The following TP63 variants were observed in gnomAD, a reference collection of about 807,000 sequenced individuals.
TP63 encodes the protein tumor protein p63.
Under a neutral mutation model 82.8 loss-of-function variants are expected in TP63, and 17 were observed. That is an observed-to-expected ratio of 0.21 (90% CI 0.14 to 0.31). The LOEUF (loss-of-function observed/expected upper bound fraction) is 0.31, where lower values mean the gene tolerates loss of function less well. TP63 is among the 10% of genes least tolerant of loss of function. TP63 has a pLI of 1.00. For missense variants in TP63, 648 were observed against 895.3 expected, an observed-to-expected ratio of 0.72 and a Z score of 3.52; for synonymous variants, 330 against 321.7, an observed-to-expected ratio of 1.03 and a Z score of -0.28.
intron 1 of TP63, among the ~76,000 whole-genome samples, chr3:189,692,615 A>G (rs1717027187): frequency 6.6e-6 from 1 of 152,176 alleles, no homozygotes; most frequent in South Asian, 2.1e-4. Flanking sequence ...TAAAAATTAT[A>G]TATAAATGCA....
intron 3 of TP63, among the ~76,000 whole-genome samples, chr3:189,760,770 AT>A (rs1363522068): frequency 6.6e-6 from 1 of 152,140 alleles, no homozygotes; most frequent in Non-Finnish European, 1.5e-5. Flanking sequence ...CCCTGCCCTA[AT>A]AGAGGTTCTC....
rs866768224 is a variant in TP63 at position 189,779,900 on chromosome 3, A to G, written c.325-28372A>G. The stretch of plus-strand genomic sequence containing the variant: ...TCCAAGCTGCAGGAAATATAGAACT[A>G]AATTGGGCATCGCCCTTGCTCTCAA... On this transcript the variant is annotated intron_variant, in intron 3 of 13. Transcript: ENST00000264731. 1.1e-4 allele frequency among the ~76,000 whole-genome samples: 17 copies of G among 152,334 alleles called. No homozygotes were observed. In the Middle Eastern group the frequency reaches 0.01, roughly 91 times the overall value.
At position 189,861,797 on chromosome 3, in the gene TP63, G is replaced by A. The variant is rs74725477; in HGVS notation, c.580-2435G>A. Among the ~76,000 whole-genome samples the A allele has an allele frequency of 3.0e-3, 454 of 152,280 alleles. 5 individuals carry two copies. The highest frequency in any genetic ancestry group is 0.026 in the South Asian group (126 of 4,820). On this transcript the variant is annotated intron_variant, in intron 4 of 13. Coordinates refer to ENST00000264731, the MANE Select transcript of TP63 (RefSeq NM_003722.5). ...GTAAACATTTGCATGGCTGAGTTAA[G>A]AGAACAGAGACATAAGAAACTGTTA...
intron 3 of TP63, among the ~76,000 whole-genome samples, chr3:189,795,460 C>G (rs982463582): frequency 9.9e-5 from 15 of 151,826 alleles, no homozygotes; most frequent in Non-Finnish European, 1.9e-4. Context: ...CGAGTTCAAA[C>G]TGTTTATGAT....
chr3:189,770,513 C>T (rs935560895), intron 3 of TP63, among the ~76,000 whole-genome samples: 2 of 151,022 alleles, frequency 1.3e-5, no homozygotes, highest in African/African-American at 4.9e-5. Flanking sequence ...TGCAGTGAGC[C>T]GAGATCGTTC....
intron 1 of TP63, among the ~76,000 whole-genome samples, chr3:189,734,233 T>A (rs28702940): frequency 2.1e-5 from 3 of 142,618 alleles, no homozygotes; most frequent in Non-Finnish European, 3.0e-5. Context: ...ATGCAGTGGC[T>A]CAATCTTGGC....
At chr3:189,721,649 T>A (rs760070609) in intron 1 of TP63, among the ~76,000 whole-genome samples, 2 of 152,120 alleles carry the variant, frequency 1.3e-5, no homozygotes, top group African/African-American at 2.4e-5. Context: ...TCAAACCACC[T>A]GGGAGGCTCT....
chr3:189,791,622 A>G (rs988368097), intron 3 of TP63, among the ~76,000 whole-genome samples: 2 of 152,130 alleles, frequency 1.3e-5, no homozygotes, highest in Admixed American at 1.3e-4. Context: ...TCTGTAAAAA[A>G]CATGGCTGCA....
intron 1 of TP63, among the ~76,000 whole-genome samples, chr3:189,736,205 A>ACTCTTT (rs1356953436): frequency 6.7e-6 from 1 of 150,266 alleles, no homozygotes; most frequent in Non-Finnish European, 1.5e-5. Context: ...ATACACACAC[A>ACTCTTT]CTCTTTCTCT....
the TP63 span, among the ~76,000 whole-genome samples, chr3:189,614,223 G>A: frequency 6.6e-6 from 1 of 151,916 alleles, no homozygotes; most frequent in East Asian, 1.9e-4. Flanking sequence ...ATTGAATCAT[G>A]GGGACCAGTC....
intron 4 of TP63, among the ~76,000 whole-genome samples, chr3:189,863,664 G>A (rs558813418): frequency 6.6e-6 from 1 of 152,154 alleles, no homozygotes; most frequent in Non-Finnish European, 1.5e-5. Context: ...AAGTGCAGGC[G>A]TTCAAGGGAG....
chr3:189,597,777 A>G, the TP63 span, among the ~76,000 whole-genome samples: 1 of 152,068 alleles, frequency 6.6e-6, no homozygotes, highest in Non-Finnish European at 1.5e-5. Flanking sequence ...AAAAGCAAGA[A>G]GTTAGCTGGA....
chr3:189,743,787 G>A (rs1721172179), intron 3 of TP63, among the ~76,000 whole-genome samples: 1 of 152,150 alleles, frequency 6.6e-6, no homozygotes, highest in Non-Finnish European at 1.5e-5. Context: ...AAACGGATGT[G>A]AGGGATCAGC....
chr3:189,684,700 G>T (rs932695473), intron 1 of TP63, among the ~76,000 whole-genome samples: 2 of 148,574 alleles, frequency 1.3e-5, no homozygotes, highest in African/African-American at 5.0e-5. Flanking sequence ...GTGCAATCTC[G>T]GCTCACTGCA....
At chr3:189,661,253 C>A (rs987946358) in intron 1 of TP63, among the ~76,000 whole-genome samples, 1 of 151,902 alleles carries the variant, frequency 6.6e-6, no homozygotes, top group African/African-American at 2.4e-5. Flanking sequence ...TCCTTTGATG[C>A]CTAGTTTCTT....
At chr3:189,771,388 T>G (rs1485132059) in intron 3 of TP63, among the ~76,000 whole-genome samples, 1 of 138,366 alleles carries the variant, frequency 7.2e-6, no homozygotes, top group Non-Finnish European at 1.5e-5. Context: ...GACTATATTA[T>G]ATATTAAATA....
intron 1 of TP63, among the ~76,000 whole-genome samples, chr3:189,666,912 G>A (rs1295460503): frequency 6.6e-6 from 1 of 151,268 alleles, no homozygotes; most frequent in Admixed American, 6.6e-5. Flanking sequence ...ATTTTTAAAT[G>A]ACAGTAGAGG....
At chr3:189,834,679 G>T (rs1318137450) in intron 4 of TP63, among the ~76,000 whole-genome samples, 1 of 152,158 alleles carries the variant, frequency 6.6e-6, no homozygotes, top group Non-Finnish European at 1.5e-5. Flanking sequence ...CATCTGTCTG[G>T]TGATTAAGAC....
chr3:189,629,120 G>A (rs892118609), upstream of TP63, among the ~76,000 whole-genome samples: 2 of 152,072 alleles, frequency 1.3e-5, no homozygotes, highest in African/African-American at 2.4e-5. Flanking sequence ...GCTCATGCCT[G>A]TAATCCCAAC....
Sources: allele counts gnomAD v4.1 joint callset (sites outside exome capture counted in the v4.1 genomes callset), GRCh38; gene constraint gnomAD v4.1.1; transcripts MANE v1.5; gene names NCBI Gene and HGNC (gene_info 2026-07-23, HGNC 2026-07-21).